PRMT8: variants seen among roughly 807,000 people sequenced by gnomAD.
PRMT8 encodes the protein protein arginine methyltransferase 8.
Under a neutral mutation model 47.1 loss-of-function variants are expected in PRMT8, and 7 were observed. The observed-to-expected ratio is 0.15, with a 90% CI of 0.08 to 0.28. The LOEUF is 0.28. PRMT8 is among the 10% of genes least tolerant of loss of function. The pLI, the probability that PRMT8 is intolerant of heterozygous loss-of-function variation, is 1.00. For missense variants in PRMT8, 237 were observed against 505.4 expected (o/e 0.47, Z 5.09); for synonymous variants, 188 against 186.5 (o/e 1.01, Z -0.07).
rs1452400695 is a variant in PRMT8 at position 3,583,421 on chromosome 12, A to T, written c.979+213A>T. On this transcript the variant is annotated intron_variant, in intron 8 of 9. Transcript: ENST00000382622. This position sits in a 1 kb window ranked among gnomAD's most constrained non-coding sequence, Gnocchi z 4.7. ...AATAATGTTGTGGTTGTTACAGCAC[A>T]AGTTGAGAGTGTGTTGGATGAGGGA... is the stretch of plus-strand genomic sequence containing the variant. Among the ~76,000 whole-genome samples the T allele has an allele frequency of 6.6e-6, 1 of 152,202 alleles. No individual in the cohort carries two copies. The highest frequency in any genetic ancestry group is 1.5e-5 in the Non-Finnish European group (1 of 68,040).
At chr12:3,489,764 G>C (rs1363382672), upstream of PRMT8, among the ~76,000 whole-genome samples, 1 of 151,404 alleles carries the variant, frequency 6.6e-6, no homozygotes, top group African/African-American at 2.4e-5. Flanking sequence ...TTCTGAGAAG[G>C]GAAAAGGTTA....
In PRMT8 at chr12:3,580,925, A is replaced by G. The variant is rs913130519; in HGVS notation, c.829-2133A>G. Among the ~76,000 whole-genome samples the G allele has an allele frequency of 6.6e-6, 1 of 152,158 alleles. No individual in the cohort carries two copies. Among genetic ancestry groups the G allele is most frequent in the African/African-American group, 2.4e-5 (1 of 41,438 alleles). On this transcript the variant is annotated intron_variant, in intron 7 of 9. Transcript: ENST00000382622. The surrounding 1 kb of genome is among the most constrained non-coding windows in gnomAD (Gnocchi z 4.6). ...GACAGCATGTGGCCATGTGGCTGGG[A>G]GGGATAATGAGCATTATGAAGGCTG...
chr12:3,401,390 AAGC>A (rs1258789572), intron 1 of PRMT8, among the ~76,000 whole-genome samples: 2 of 152,112 alleles, frequency 1.3e-5, no homozygotes, highest in Admixed American at 1.3e-4. Context: ...CAAAAGCTGG[AAGC>A]ATTCCACTTG....
chr12:3,541,189 G>A (rs1181239862), intron 2 of PRMT8, among the ~76,000 whole-genome samples: 1 of 152,234 alleles, frequency 6.6e-6, no homozygotes, highest in African/African-American at 2.4e-5. Flanking sequence ...CCTTTCAGAG[G>A]TCATGATGTG....
chr12:3,391,827 A>C (rs1375439915), intron 1 of PRMT8, among the ~76,000 whole-genome samples: 2 of 152,216 alleles, frequency 1.3e-5, no homozygotes, highest in Non-Finnish European at 1.5e-5. Context: ...ATGCAGAACC[A>C]GTGCAAAATG....
rs74057426 is a variant in PRMT8, at chr12:3,453,699, G to A, written c.48+72257G>A. On this transcript the variant is annotated intron_variant, in intron 1 of 9. Transcript: ENST00000452611. The surrounding 1 kb of genome is among the most constrained non-coding windows in gnomAD (Gnocchi z 4.9). ...ATGCTGGGGCGCAGCCATGCTGGCTGTCTCCTCGTCTGTTCTGCCCACACA... is the reference window on the plus strand; with the variant it reads ...ATGCTGGGGCGCAGCCATGCTGGCTATCTCCTCGTCTGTTCTGCCCACACA... 4.1e-3 allele frequency among the ~76,000 whole-genome samples: 629 copies of A among 152,312 alleles called. 9 individuals carry two copies. The highest frequency in any genetic ancestry group is 0.014 in the African/African-American group (594 of 41,562).
At chr12:3,468,182 G>A (rs1865122597) in intron 1 of PRMT8, among the ~76,000 whole-genome samples, 1 of 152,176 alleles carries the variant, frequency 6.6e-6, no homozygotes, top group Non-Finnish European at 1.5e-5. Context: ...TAGGAAGCGG[G>A]ACCTTCTCTG....
At chr12:3,457,673 T>G (rs906820873) in intron 1 of PRMT8, among the ~76,000 whole-genome samples, 2 of 152,084 alleles carry the variant, frequency 1.3e-5, no homozygotes, top group Non-Finnish European at 2.9e-5. Context: ...GAAAAACATT[T>G]TTTAAATATA....
chr12:3,553,444 C>T (rs71581776), intron 3 of PRMT8: 8 of 606,268 alleles, frequency 1.3e-5, no homozygotes, highest in East Asian at 5.5e-5. Context: ...TCAGTCTTTT[C>T]GCAAAGGCAG....
At position 3,412,054 on chromosome 12, in the gene PRMT8, T is replaced by C. The variant is rs144260641; in HGVS notation, c.48+30612T>C. Among the ~76,000 whole-genome samples the C allele has an allele frequency of 8.2e-4, 125 of 152,274 alleles. 1 individual carries two copies. Among genetic ancestry groups the C allele is most frequent in the African/African-American group, 2.9e-3 (120 of 41,540 alleles). On this transcript the variant is annotated intron_variant, in intron 1 of 9. Coordinates refer to the PRMT8 transcript ENST00000452611. ...ATATTCTGAGAATTGTGTTGTTAGG[T>C]GATTTTATTGTTGTACTAACGTCAT...
intron 4 of PRMT8, among the ~76,000 whole-genome samples, chr12:3,561,066 A>G (rs936113561): frequency 1.3e-5 from 2 of 152,130 alleles, no homozygotes; most frequent in Non-Finnish European, 1.5e-5. Flanking sequence ...CTTTGCAACC[A>G]CCCAGTCCTG....
chr12:3,453,640 T>C lies in PRMT8; in HGVS notation c.48+72198T>C, dbSNP rs1864944206. On this transcript the variant is annotated intron_variant, in intron 1 of 9. Transcript: ENST00000452611. This position sits in a 1 kb window ranked among gnomAD's most constrained non-coding sequence, Gnocchi z 4.9. ...GGTGAGCGCGGTCAGGGGACACCCT[T>C]AGGAGAGGAGCTTGCCCTTCACAGC... Among the ~76,000 whole-genome samples the C allele has an allele frequency of 6.6e-6, 1 of 152,118 alleles. No individual in the cohort carries two copies. The highest frequency in any genetic ancestry group is 1.5e-5 in the Non-Finnish European group (1 of 68,018).
At chr12:3,462,714 G>C (rs1472785506) in intron 1 of PRMT8, 1 of 151,984 alleles carries the variant, frequency 6.6e-6, no homozygotes, top group Non-Finnish European at 1.5e-5. Flanking sequence ...TGCTGGCAGG[G>C]ACAGACAGAA....
At chr12:3,551,566 G>C (rs535668959) in intron 3 of PRMT8, 2 of 152,278 alleles carry the variant, frequency 1.3e-5, no homozygotes, top group Non-Finnish European at 2.9e-5. Context: ...TCATCCGGGG[G>C]CTCCAGCCAA....
chr12:3,554,019 G>T (rs985131153), intron 4 of PRMT8, among the ~76,000 whole-genome samples: 64 of 152,192 alleles, frequency 4.2e-4, no homozygotes, highest in Middle Eastern at 6.8e-3. Context: ...CTGCAAAATG[G>T]CCACATTCCT....
chr12:3,441,884 C>T (rs1864806862), intron 1 of PRMT8, among the ~76,000 whole-genome samples: 1 of 152,196 alleles, frequency 6.6e-6, no homozygotes, highest in African/African-American at 2.4e-5. Flanking sequence ...TCTGTAATGA[C>T]ATTTCAGTAC....
intron 1 of PRMT8, among the ~76,000 whole-genome samples, chr12:3,414,392 G>A (rs547087707): frequency 8.5e-5 from 13 of 152,278 alleles, no homozygotes; most frequent in South Asian, 6.2e-4. Flanking sequence ...TTTCAATTCC[G>A]ACACTATCTG....
intron 1 of PRMT8, among the ~76,000 whole-genome samples, chr12:3,457,979 A>T (rs1864994744): frequency 6.6e-6 from 1 of 151,008 alleles, no homozygotes; most frequent in African/African-American, 2.4e-5. Context: ...AGTAGCTGGG[A>T]CTATAGGCAT....
At chr12:3,582,106 A>T (rs1362584542) in intron 7 of PRMT8, among the ~76,000 whole-genome samples, 1 of 152,160 alleles carries the variant, frequency 6.6e-6, no homozygotes, top group Non-Finnish European at 1.5e-5. Flanking sequence ...CGCAACCTTG[A>T]CTAATGGGAA....
Sources: gnomAD v4.1 joint callset for allele counts (sites outside exome capture counted in the v4.1 genomes callset) on GRCh38, gnomAD v4.1.1 for gene constraint, Gnocchi (gnomAD v3.1) non-coding constraint, MANE v1.5 for transcripts, NCBI Gene and HGNC (gene_info 2026-07-23, HGNC 2026-07-21) for gene names.